RHCE: variants seen among roughly 807,000 people sequenced by gnomAD.
RHCE encodes blood group Rh(CE) polypeptide.
RHCE carries 22 observed loss-of-function variants against 43.8 expected under a neutral mutation model. That is an observed-to-expected ratio of 0.50 (90% CI 0.36 to 0.72). The LOEUF is 0.72. Ranked by LOEUF, RHCE falls within the 30% of genes least tolerant of loss-of-function variation. The pLI, the probability that RHCE is intolerant of heterozygous loss-of-function variation, is 0.00. For synonymous variants in RHCE, 156 were observed against 210.7 expected (o/e 0.74, Z 2.25); for missense variants, 385 against 525.4 (o/e 0.73, Z 2.61).
chr1:25,386,842 A>AACACACACACACACAC (rs3079633), intron 6 of RHCE, among the ~76,000 whole-genome samples: 2 of 138,892 alleles, frequency 1.4e-5, no homozygotes, highest in Non-Finnish European at 3.1e-5. Context: ...ACAACAACAA[A>AACACACACACACACAC]ACACACACAC....
rs3079633 is a variant in RHCE at position 25,386,842 on chromosome 1, AACACACACACACACAC to A, written c.940-1014_940-999del. On this transcript the variant is annotated intron_variant, in intron 6 of 9. Transcript: ENST00000294413. The stretch of plus-strand genomic sequence containing the variant: ...GTCTCAACAACAACAACAACAACAA[AACACACACACACACAC>A]ACACACACACACACACACACAAATT... Among the ~76,000 whole-genome samples the A allele has an allele frequency of 2.9e-4, 40 of 138,890 alleles. 1 individual carries two copies. In the South Asian group the frequency reaches 8.6e-3, roughly 30 times the overall value. The allele number at this position is 138,890 out of a possible 152,430, so 91.1% of individuals were successfully genotyped here.
chr1:25,415,882 G>A (rs2124531794), intron 1 of RHCE, among the ~76,000 whole-genome samples: 1 of 151,928 alleles, frequency 6.6e-6, no homozygotes. Context: ...CACCCAGAGG[G>A]CTTGTGAAAA....
chr1:25,411,547 C>T (rs1458717495), intron 1 of RHCE: 3 of 1,306,026 alleles, frequency 2.3e-6, no homozygotes, highest in Non-Finnish European at 1.0e-6. Flanking sequence ...ATATAGGAGA[C>T]CCCCAAGGAC....
intron 7 of RHCE, among the ~76,000 whole-genome samples, chr1:25,378,144 T>A (rs1645843668): frequency 6.6e-6 from 1 of 152,188 alleles, no homozygotes; most frequent in African/African-American, 2.4e-5. Flanking sequence ...GCTAAATGAC[T>A]AATCAAAAAG....
chr1:25,416,364 C>T (rs191999488), intron 1 of RHCE, among the ~76,000 whole-genome samples: 24 of 151,850 alleles, frequency 1.6e-4, no homozygotes, highest in Admixed American at 1.3e-3. Context: ...CCTGGGTTCA[C>T]GCCATTCTCC....
chr1:25,379,850 T>G (rs182729333), intron 7 of RHCE, among the ~76,000 whole-genome samples: 13 of 152,018 alleles, frequency 8.6e-5, no homozygotes, highest in African/African-American at 2.9e-4. Flanking sequence ...AACTTTTTAT[T>G]TTTATTTTTG....
At chr1:25,380,646 C>T (rs1370540281) in intron 7 of RHCE, among the ~76,000 whole-genome samples, 1 of 152,188 alleles carries the variant, frequency 6.6e-6, no homozygotes, top group Non-Finnish European at 1.5e-5. Flanking sequence ...TTTTACCTTC[C>T]ACATCACACC....
In RHCE at chr1:25,407,176, G is replaced by A. The variant is rs1226446290; in HGVS notation, c.335+1507C>T. On this transcript the variant is annotated intron_variant, in intron 2 of 9. Transcript: ENST00000294413. The stretch of plus-strand genomic sequence containing the variant: ...GGGCTCAAGTGATCTGCCCACCTCA[G>A]CTCCCAAAAGTACTGGGATTACAGG... Among the ~76,000 whole-genome samples, 5 of 122,566 alleles carry A rather than the reference G, an allele frequency of 4.1e-5. 1 individual carries two copies. The highest frequency in any genetic ancestry group is 9.3e-5 in the Non-Finnish European group (5 of 53,830). The allele number at this position is 122,566 out of a possible 152,430, so 80.4% of individuals were successfully genotyped here.
chr1:25,392,791 G>A (rs1462006711), intron 3 of RHCE, among the ~76,000 whole-genome samples: 1 of 151,474 alleles, frequency 6.6e-6, no homozygotes, highest in Non-Finnish European at 1.5e-5. Context: ...GGCTGGTCTC[G>A]AACTCCTGGG....
At chr1:25,416,256 T>C (rs1647419098) in intron 1 of RHCE, among the ~76,000 whole-genome samples, 1 of 152,102 alleles carries the variant, frequency 6.6e-6, no homozygotes, top group Non-Finnish European at 1.5e-5. Context: ...TTATGTTTTA[T>C]TTATTTTTAT....
rs530081308 is a variant in RHCE, at chr1:25,380,860, C to A, written c.1073+4851G>T. Among the ~76,000 whole-genome samples the A allele has an allele frequency of 4.8e-3, 726 of 151,170 alleles. 6 individuals carry two copies. The highest frequency in any genetic ancestry group is 0.017 in the African/African-American group (692 of 41,226). On this transcript the variant is annotated intron_variant, in intron 7 of 9. Coordinates refer to ENST00000294413, the MANE Select transcript of RHCE (RefSeq NM_020485.8). ...TTTTCTCCCTTGTCCTGATGAACAG[C>A]CTCTGGCTTTGTTCTATGTGTACTA...
intron 3 of RHCE, among the ~76,000 whole-genome samples, chr1:25,394,101 G>A (rs2124440686): frequency 6.6e-6 from 1 of 152,256 alleles, no homozygotes; most frequent in South Asian, 2.1e-4. Flanking sequence ...CGATTCTCCT[G>A]CTTCAGCCTC....
chr1:25,396,303 AT>A (rs1386237038), intron 3 of RHCE, among the ~76,000 whole-genome samples: 1 of 152,248 alleles, frequency 6.6e-6, no homozygotes, highest in Non-Finnish European at 1.5e-5. Context: ...ACCACAAAAA[AT>A]ATGTATTTTT....
At chr1:25,422,194 G>C (rs1010499830), upstream of RHCE, among the ~76,000 whole-genome samples, 1 of 152,192 alleles carries the variant, frequency 6.6e-6, no homozygotes, top group Non-Finnish European at 1.5e-5. Context: ...AAAAAACTGA[G>C]ACTAACCTAA....
At chr1:25,384,572 A>G (rs2518071) in intron 7 of RHCE, among the ~76,000 whole-genome samples, 5 of 152,092 alleles carry the variant, frequency 3.3e-5, no homozygotes, top group East Asian at 1.9e-4. Context: ...TTACAGAGGC[A>G]CCTTGCTTCA....
At position 25,420,207 on chromosome 1, in the gene RHCE, G is replaced by T. The variant is rs543637769; in HGVS notation, c.148+432C>A. Among the ~76,000 whole-genome samples the T allele has an allele frequency of 3.1e-4, 47 of 151,854 alleles. 1 individual carries two copies. Among genetic ancestry groups the T allele is most frequent in the African/African-American group, 1.1e-3 (46 of 41,374 alleles). ...AAAAAGAAATAAGAAATGAGCGAGA[G>T]GCCACAAAAAGGAAACAAAACCCGA... On this transcript the variant is annotated intron_variant, in intron 1 of 9. Coordinates refer to ENST00000294413, the MANE Select transcript of RHCE (RefSeq NM_020485.8).
At chr1:25,385,665 T>A in intron 7 of RHCE, 46 bp downstream of exon 7, 1 of 1,613,558 alleles carries the variant, frequency 6.2e-7, no homozygotes. Flanking sequence ...TCTTCCTGAG[T>A]TGGAGGGGAG....
chr1:25,410,985 G>A (rs777477952), intron 1 of RHCE, among the ~76,000 whole-genome samples: 38 of 151,922 alleles, frequency 2.5e-4, no homozygotes, highest in Non-Finnish European at 4.3e-4. Flanking sequence ...CCAGCTACTC[G>A]GGAGGCTGAG....
At chr1:25,386,893 T>C (rs1646189218) in intron 6 of RHCE, among the ~76,000 whole-genome samples, 1 of 151,066 alleles carries the variant, frequency 6.6e-6, no homozygotes, top group Admixed American at 6.6e-5. Flanking sequence ...TAGCCAGGCA[T>C]GGTGGTGGGC....
Sources: gnomAD v4.1 joint callset for allele counts (sites outside exome capture counted in the v4.1 genomes callset) on GRCh38, gnomAD v4.1.1 for gene constraint, MANE v1.5 for transcripts, NCBI Gene and HGNC (gene_info 2026-07-23, HGNC 2026-07-21) for gene names.